Variants in MBNL2 observed in about 807,000 individuals in gnomAD.
MBNL2 encodes the protein muscleblind-like protein 2.
In MBNL2, 17 loss-of-function variants were observed where a neutral mutation model predicts 41.9. The ratio of observed to expected loss-of-function variants is 0.41; its 90% confidence interval spans 0.28 to 0.61. The LOEUF (loss-of-function observed/expected upper bound fraction) is 0.61, where lower values mean the gene tolerates loss of function less well. Ranked by LOEUF, MBNL2 falls within the 20% of genes least tolerant of loss-of-function variation. The probability of loss-of-function intolerance (pLI) is 0.35; values close to 1 mark genes in which losing one functional copy is unlikely to be tolerated. For synonymous variants in MBNL2, 195 were observed against 182.9 expected, an observed-to-expected ratio of 1.07 and a Z score of -0.53; for missense variants, 336 against 505.6, an observed-to-expected ratio of 0.66 and a Z score of 3.22.
intron 2 of MBNL2, among the ~76,000 whole-genome samples, chr13:97,293,477 C>G (rs1214141172): frequency 1.3e-5 from 2 of 152,170 alleles, no homozygotes; most frequent in Non-Finnish European, 2.9e-5. Flanking sequence ...GTACATGACA[C>G]TTGAGAAGAT....
chr13:97,293,917 G>A (rs565904001), intron 2 of MBNL2, among the ~76,000 whole-genome samples: 81 of 151,846 alleles, frequency 5.3e-4, no homozygotes, highest in Non-Finnish European at 9.6e-4. Context: ...CAGTATACAC[G>A]GAACCCACTT....
At chr13:97,148,145 C>T in the MBNL2 span, among the ~76,000 whole-genome samples, 3 of 152,162 alleles carry the variant, frequency 2.0e-5, no homozygotes, top group Non-Finnish European at 4.4e-5. Flanking sequence ...AAACTCCTGA[C>T]ATAGACAAGT....
chr13:97,166,752 C>T, the MBNL2 span, among the ~76,000 whole-genome samples: 10 of 149,810 alleles, frequency 6.7e-5, no homozygotes, highest in Admixed American at 2.7e-4. Flanking sequence ...GCCTTGTGAT[C>T]GTGTGAGTTA....
chr13:97,297,203 C>A (rs2057130936), intron 2 of MBNL2, among the ~76,000 whole-genome samples: 1 of 152,114 alleles, frequency 6.6e-6, no homozygotes. Context: ...ATGTCATGGG[C>A]ATTTATTGAG....
Position 97,328,681 on chromosome 13 carries a change from G to A in MBNL2, c.175-5595G>A, listed in dbSNP as rs954178429. On this transcript the variant is annotated intron_variant, in intron 2 of 8. Coordinates refer to ENST00000679496, the MANE Select transcript of MBNL2 (RefSeq NM_001382683.1). Reference sequence around the variant, plus strand: ...TTCCAGCGGAATACAAATGGCGGGGGCCTGTTAACTGAATTGTAGATCGTA... The same window carrying A: ...TTCCAGCGGAATACAAATGGCGGGGACCTGTTAACTGAATTGTAGATCGTA... Among the ~76,000 whole-genome samples, 4 of 152,182 alleles carry A rather than the reference G, an allele frequency of 2.6e-5. No homozygotes were observed. The South Asian group carries it at 8.3e-4, about 32-fold the overall frequency.
the MBNL2 span, among the ~76,000 whole-genome samples, chr13:97,165,287 G>A: frequency 6.6e-6 from 1 of 152,128 alleles, no homozygotes; most frequent in African/African-American, 2.4e-5. Context: ...GAGGAGAAAT[G>A]AATGTTTTTA....
intron 8 of MBNL2, among the ~76,000 whole-genome samples, chr13:97,371,620 G>A (rs1403884859): frequency 6.6e-6 from 1 of 152,014 alleles, no homozygotes; most frequent in Non-Finnish European, 1.5e-5. Context: ...AATAGTGATG[G>A]AAACAGTACT....
chr13:97,198,735 T>G, the MBNL2 span, among the ~76,000 whole-genome samples: 1 of 151,996 alleles, frequency 6.6e-6, no homozygotes, highest in African/African-American at 2.4e-5. Context: ...TTGGCTTCTC[T>G]CTCTTTTTCT....
At chr13:97,173,521 T>C in the MBNL2 span, among the ~76,000 whole-genome samples, 2,307 of 152,312 alleles carry the variant, frequency 0.015, 24 homozygotes, top group Non-Finnish European at 0.024. Context: ...ATCACCAACA[T>C]GGTTCAGGCC....
At chr13:97,341,984 T>C (rs1380818957) in intron 3 of MBNL2, among the ~76,000 whole-genome samples, 1 of 152,188 alleles carries the variant, frequency 6.6e-6, no homozygotes, top group Non-Finnish European at 1.5e-5. Context: ...TGCATTAATA[T>C]GTAATTGCAA....
At chr13:97,308,388 T>A (rs1331534574) in intron 2 of MBNL2, among the ~76,000 whole-genome samples, 2 of 152,240 alleles carry the variant, frequency 1.3e-5, no homozygotes. Flanking sequence ...TTTGGCTGGA[T>A]AACAAATCCA....
chr13:97,367,128 T>C (rs1233496874), intron 8 of MBNL2, among the ~76,000 whole-genome samples: 1 of 152,178 alleles, frequency 6.6e-6, no homozygotes, highest in Non-Finnish European at 1.5e-5. Context: ...TGAAGAGTCA[T>C]GGGTGCCGCT....
At chr13:97,273,369 A>C (rs990570431) in intron 1 of MBNL2, among the ~76,000 whole-genome samples, 1 of 152,192 alleles carries the variant, frequency 6.6e-6, no homozygotes, top group African/African-American at 2.4e-5. Flanking sequence ...ATAAAGATAC[A>C]AGTCCAGGCT....
the MBNL2 span, among the ~76,000 whole-genome samples, chr13:97,191,688 G>A: frequency 9.9e-5 from 15 of 152,174 alleles, no homozygotes; most frequent in African/African-American, 3.6e-4. Context: ...TTTATTTACT[G>A]TACCTATAGG....
chr13:97,235,856 T>C (rs1218312434), intron 1 of MBNL2, among the ~76,000 whole-genome samples: 4 of 151,598 alleles, frequency 2.6e-5, no homozygotes, highest in Non-Finnish European at 4.4e-5. Context: ...ACGCTCCCCA[T>C]CTTGCTCCCT....
intron 2 of MBNL2, among the ~76,000 whole-genome samples, chr13:97,327,919 T>C (rs544965743): frequency 2.0e-4 from 31 of 152,292 alleles, no homozygotes; most frequent in African/African-American, 7.5e-4. Context: ...TCAATAGTAA[T>C]AGTGATGATG....
At chr13:97,293,883 A>G (rs2056596400) in intron 2 of MBNL2, among the ~76,000 whole-genome samples, 1 of 151,158 alleles carries the variant, frequency 6.6e-6, no homozygotes, top group Non-Finnish European at 1.5e-5. Context: ...GATTTGTGAG[A>G]TTTTGGTGCA....
At chr13:97,369,134 G>A (rs1594277573) in intron 8 of MBNL2, among the ~76,000 whole-genome samples, 2 of 152,270 alleles carry the variant, frequency 1.3e-5, no homozygotes, top group South Asian at 2.1e-4. Context: ...GTTTCAAAGA[G>A]CAAAGCATCA....
At chr13:97,233,126 C>CATATATATATATATATATAT (rs376967986) in intron 1 of MBNL2, among the ~76,000 whole-genome samples, 1 of 39,784 alleles carries the variant, frequency 2.5e-5, no homozygotes, top group African/African-American at 9.7e-5. Context: ...GGCTCTTTTT[C>CATATATATATATATATATAT]ATATATATAT....
Sources: allele counts gnomAD v4.1 joint callset (sites outside exome capture counted in the v4.1 genomes callset), GRCh38; gene constraint gnomAD v4.1.1; transcripts MANE v1.5; gene names NCBI Gene and HGNC (gene_info 2026-07-23, HGNC 2026-07-21).